QTGAL: variants seen among roughly 807,000 people sequenced by gnomAD.
QTGAL encodes the protein queuosine-tRNA galactosyltransferase.
the QTGAL span, chr17:82,944,654 C>A: frequency 1.3e-5 from 2 of 152,322 alleles, no homozygotes; most frequent in East Asian, 3.9e-4. Flanking sequence ...GTTTAGAGAG[C>A]AGCAAGAAGC....
chr17:83,019,008 G>T, the QTGAL span, among the ~76,000 whole-genome samples: 1 of 152,232 alleles, frequency 6.6e-6, no homozygotes, highest in Admixed American at 6.5e-5. Context: ...TGACGTTGTG[G>T]TCTACAGGCC....
At chr17:83,006,830 A>G in the QTGAL span, 1 of 983,846 alleles carries the variant, frequency 1.0e-6, no homozygotes, top group East Asian at 1.1e-4. This position sits in a 1 kb window ranked among gnomAD's most constrained non-coding sequence, Gnocchi z 5.8. Flanking sequence ...AGCGTCTTCA[A>G]TCCACTGGGA....
At chr17:82,955,671 T>A in the QTGAL span, among the ~76,000 whole-genome samples, 1 of 152,076 alleles carries the variant, frequency 6.6e-6, no homozygotes, top group Non-Finnish European at 1.5e-5. Context: ...GGAATACAAA[T>A]CATTCTATTA....
chr17:83,037,629 C>T, the QTGAL span, among the ~76,000 whole-genome samples: 1 of 152,300 alleles, frequency 6.6e-6, no homozygotes, highest in African/African-American at 2.4e-5. This position sits in a 1 kb window ranked among gnomAD's most constrained non-coding sequence, Gnocchi z 5.2. Flanking sequence ...TGAAGCTCCT[C>T]ACGAGAAACA....
chr17:82,999,100 C>T, the QTGAL span, among the ~76,000 whole-genome samples: 1 of 152,186 alleles, frequency 6.6e-6, no homozygotes, highest in Non-Finnish European at 1.5e-5. Flanking sequence ...AAACACATCC[C>T]TACCATATGA....
the QTGAL span, among the ~76,000 whole-genome samples, chr17:82,966,260 G>A: frequency 6.6e-6 from 1 of 151,768 alleles, no homozygotes; most frequent in African/African-American, 2.4e-5. Flanking sequence ...TCACTACACT[G>A]CTCAGGCTGG....
chr17:82,961,021 T>C, the QTGAL span: 5 of 1,590,514 alleles, frequency 3.1e-6, no homozygotes, highest in Non-Finnish European at 4.3e-6. Flanking sequence ...GTTCCTGGCC[T>C]CTCAGGCGTC....
At chr17:82,977,270 C>T in the QTGAL span, among the ~76,000 whole-genome samples, 4 of 152,178 alleles carry the variant, frequency 2.6e-5, no homozygotes, top group Admixed American at 6.5e-5. Context: ...ACAGCTGCGG[C>T]GCCGCCCCGA....
At chr17:82,942,269 A>G in the QTGAL span, 2 of 750,866 alleles carry the variant, frequency 2.7e-6, no homozygotes, top group Non-Finnish European at 4.3e-6. Context: ...AGGACACGTT[A>G]GTCATGAGCA....
the QTGAL span, chr17:82,947,318 ACCTT>A: frequency 3.3e-6 from 1 of 304,920 alleles, no homozygotes. Flanking sequence ...GGGCAGACCC[ACCTT>A]CCCTCCACAC....
At chr17:83,035,105 GA>G in the QTGAL span, 4 of 1,608,356 alleles carry the variant, frequency 2.5e-6, no homozygotes, top group Admixed American at 3.4e-5. Flanking sequence ...TCCGACTGTG[GA>G]AAAAAGAAGA....
At chr17:83,028,351 C>A in the QTGAL span, among the ~76,000 whole-genome samples, 26 of 150,632 alleles carry the variant, frequency 1.7e-4, no homozygotes, top group African/African-American at 5.6e-4. Flanking sequence ...GGTGAAACCC[C>A]GTCTCTACTA....
the QTGAL span, among the ~76,000 whole-genome samples, chr17:82,953,283 C>T: frequency 6.6e-6 from 1 of 151,204 alleles, no homozygotes; most frequent in Non-Finnish European, 1.5e-5. Flanking sequence ...ACTAGCCAGG[C>T]AAAGAAAAGA....
the QTGAL span, chr17:82,956,899 A>G: frequency 3.5e-6 from 4 of 1,148,814 alleles, no homozygotes; most frequent in African/African-American, 4.6e-5. The surrounding 1 kb of genome is among the most constrained non-coding windows in gnomAD (Gnocchi z 5.7). Flanking sequence ...ATAACGTGCC[A>G]GGGTCACAGA....
the QTGAL span, chr17:83,014,533 C>G: frequency 3.1e-6 from 5 of 1,613,786 alleles, no homozygotes; most frequent in South Asian, 5.5e-5. Context: ...CAGTAAAGAA[C>G]ACACTTTCCG....
the QTGAL span, among the ~76,000 whole-genome samples, chr17:83,001,494 A>T: frequency 5.0e-4 from 76 of 152,184 alleles, no homozygotes; most frequent in African/African-American, 1.7e-3. Context: ...AGAAAGTCCC[A>T]GGAAGGAACA....
the QTGAL span, among the ~76,000 whole-genome samples, chr17:83,007,483 T>G: frequency 2.0e-5 from 3 of 152,234 alleles, no homozygotes; most frequent in African/African-American, 7.2e-5. Flanking sequence ...AGAAGTCCTT[T>G]GTTCCAAAAC....
chr17:83,050,243 G>A, the QTGAL span, among the ~76,000 whole-genome samples: 1 of 152,150 alleles, frequency 6.6e-6, no homozygotes, highest in Admixed American at 6.5e-5. Flanking sequence ...GGTGGTGCAT[G>A]CCTGTAATCC....
chr17:82,956,071 C>A, the QTGAL span, among the ~76,000 whole-genome samples: 13 of 151,918 alleles, frequency 8.6e-5, no homozygotes, highest in Admixed American at 8.5e-4. This position sits in a 1 kb window ranked among gnomAD's most constrained non-coding sequence, Gnocchi z 5.7. Context: ...ACCTACATGG[C>A]GGGTTGATAG....
Sources: gnomAD v4.1 joint callset for allele counts (sites outside exome capture counted in the v4.1 genomes callset) on GRCh38, gnomAD v4.1.1 for gene constraint, Gnocchi (gnomAD v3.1) non-coding constraint, MANE v1.5 for transcripts, NCBI Gene and HGNC (gene_info 2026-07-23, HGNC 2026-07-21) for gene names.